HEATR4: variants seen among roughly 807,000 people sequenced by gnomAD.
The protein encoded by HEATR4 is HEAT repeat containing 4.
In HEATR4, 95 loss-of-function variants were observed where a neutral mutation model predicts 108.8. The observed-to-expected ratio is 0.87, with a 90% CI of 0.74 to 1.04. HEATR4 has a LOEUF of 1.04. HEATR4 is among the 50% of genes least tolerant of loss of function. The probability of loss-of-function intolerance (pLI) is 0.00; values close to 1 mark genes in which losing one functional copy is unlikely to be tolerated. For synonymous variants in HEATR4, 443 were observed against 459.4 expected, an observed-to-expected ratio of 0.96 and a Z score of 0.46; for missense variants, 1,152 against 1,253.8, an observed-to-expected ratio of 0.92 and a Z score of 1.23.
At chr14:73,508,745 C>A (rs1595110237) in intron 8 of HEATR4, among the ~76,000 whole-genome samples, 1 of 96,112 alleles carries the variant, frequency 1.0e-5, no homozygotes, top group Admixed American at 1.7e-4. Flanking sequence ...GAGTGAAACT[C>A]TGTCTCAAAA....
chr14:73,618,153 C>A, the HEATR4 span, among the ~76,000 whole-genome samples: 5 of 151,816 alleles, frequency 3.3e-5, no homozygotes, highest in Non-Finnish European at 7.4e-5. Flanking sequence ...CAAAAAAAAA[C>A]CCAACAACAA....
At chr14:73,484,843 CACACACACACACACACACAT>C (rs1885391301) in intron 17 of HEATR4, among the ~76,000 whole-genome samples, 2 of 151,480 alleles carry the variant, frequency 1.3e-5, no homozygotes, top group African/African-American at 2.4e-5. Flanking sequence ...GACACACACA[CACACACACACACACACACAT>C]ATATGGTTTT....
At position 73,491,872 on chromosome 14, in the gene HEATR4, C is replaced by T. The variant is rs111230413; in HGVS notation, c.2844+1194G>A. 4.9e-4 allele frequency: 790 copies of T among 1,611,172 alleles called. 2 individuals are homozygous for T. The African/African-American group carries it at 8.8e-3, about 18-fold the overall frequency. Reference sequence around the variant, plus strand: ...CACCCGGCCGCGCGCTGCCCGCCGCCGCGTGGTCCCTGTACCAGGCCGGCT... The same window carrying T: ...CACCCGGCCGCGCGCTGCCCGCCGCTGCGTGGTCCCTGTACCAGGCCGGCT... On this transcript the variant is annotated intron_variant, in intron 17 of 17. Transcript: ENST00000553558.
At chr14:73,585,761 G>A in the HEATR4 span, among the ~76,000 whole-genome samples, 3 of 142,894 alleles carry the variant, frequency 2.1e-5, no homozygotes, top group East Asian at 2.2e-4. Context: ...TTGCTGTGGA[G>A]GATACACTGG....
At chr14:73,497,360 G>A (rs11628465) in intron 14 of HEATR4, among the ~76,000 whole-genome samples, 15,040 of 152,156 alleles carry the variant, frequency 0.099, 1,116 homozygotes, top group Non-Finnish European at 0.14. Flanking sequence ...ATTTGAAGGT[G>A]CCAATAGGTA....
In HEATR4 at chr14:73,492,834, T is replaced by C. The variant is rs1189203528; in HGVS notation, c.2844+232A>G. 6.2e-7 allele frequency: 1 copy of C among 1,613,764 alleles called. No homozygotes were observed. The highest frequency in any genetic ancestry group is 8.5e-7 in the Non-Finnish European group (1 of 1,179,880). On this transcript the variant is annotated intron_variant, in intron 17 of 17. Transcript: ENST00000553558. The surrounding 1 kb of genome is among the most constrained non-coding windows in gnomAD (Gnocchi z 4.9). Reference sequence around the variant, plus strand: ...TTGCTTGGTTCTTATCCAGAGTTTGTGAGAGTGGGGGACCTGCCCTGTGAC... The same window carrying C: ...TTGCTTGGTTCTTATCCAGAGTTTGCGAGAGTGGGGGACCTGCCCTGTGAC...
Position 73,495,422 on chromosome 14 carries a change from CAA to C in HEATR4, c.2626-37_2626-36del, listed in dbSNP as rs749365409. On this transcript the variant is annotated intron_variant, in intron 15 of 17. Transcript: ENST00000553558. ...AACAAATAATGTTTGAAAAACAAAA[CAA>C]AACACCTGTACTAGGCAGCAAATTA... 3.2e-6 allele frequency: 5 copies of C among 1,562,840 alleles called. No individual in the cohort carries two copies. In the East Asian group the frequency reaches 1.1e-4, roughly 35 times the overall value.
Position 73,514,127 on chromosome 14 carries a change from A to G in HEATR4, c.1318T>C (p.Leu440=). The change falls in exon 6 of 18, where the codon TTG becomes CTG. Residue 440 remains leucine (L), a synonymous_variant. Coordinates refer to ENST00000553558, the MANE Select transcript of HEATR4 (RefSeq NM_001220484.1). ...EKDVPIKTRR[L]KKQAKSLQED... Reference sequence around the variant, plus strand: ...TGCAGTGATTTTGCCTGCTTCTTCAATCTCCTGGTCTTAATAGGCACATCC... The same window carrying G: ...TGCAGTGATTTTGCCTGCTTCTTCAGTCTCCTGGTCTTAATAGGCACATCC... The G allele has an allele frequency of 6.2e-7, 1 of 1,614,092 alleles. No homozygotes were observed. The highest frequency in any genetic ancestry group is 8.5e-7 in the Non-Finnish European group (1 of 1,180,026).
the HEATR4 span, among the ~76,000 whole-genome samples, chr14:73,623,339 TA>T: frequency 2.6e-4 from 40 of 152,282 alleles, no homozygotes; most frequent in African/African-American, 9.4e-4. Flanking sequence ...TTACGTGATA[TA>T]AAGGGTAGTG....
intron 10 of HEATR4, among the ~76,000 whole-genome samples, chr14:73,504,147 G>A (rs548444081): frequency 4.7e-5 from 7 of 148,502 alleles, no homozygotes; most frequent in South Asian, 2.1e-4. Flanking sequence ...GCACGATCTC[G>A]GCTCACTGCA....
chr14:73,598,237 A>AAC, the HEATR4 span, among the ~76,000 whole-genome samples: 3 of 148,392 alleles, frequency 2.0e-5, no homozygotes, highest in Non-Finnish European at 4.5e-5. Context: ...AAAAAAAAAA[A>AAC]AACATAGCCG....
At chr14:73,493,402 C>T in intron 16 of HEATR4, 2 of 371,778 alleles carry the variant, frequency 5.4e-6, no homozygotes, top group Non-Finnish European at 1.0e-5. Context: ...GTTTCCCTTT[C>T]CTAAGGCTAG....
intron 5 of HEATR4, among the ~76,000 whole-genome samples, chr14:73,515,444 C>A (rs1481940661): frequency 6.6e-6 from 1 of 151,854 alleles, no homozygotes; most frequent in Non-Finnish European, 1.5e-5. Context: ...CTTTGGGAGG[C>A]CAAAGCGGGT....
rs377065746 is a variant in HEATR4 at position 73,492,667 on chromosome 14, G to C, written c.2844+399C>G. Reference sequence around the variant, plus strand: ...TGACAACAGAAACAGAAGTCCATATGCTTCAGGATGGGATAGCTCGGCTGG... The same window carrying C: ...TGACAACAGAAACAGAAGTCCATATCCTTCAGGATGGGATAGCTCGGCTGG... On this transcript the variant is annotated intron_variant, in intron 17 of 17. Transcript: ENST00000553558. This position sits in a 1 kb window ranked among gnomAD's most constrained non-coding sequence, Gnocchi z 4.9. 2.7e-5 allele frequency: 43 copies of C among 1,613,892 alleles called. No individual in the cohort carries two copies. The highest frequency in any genetic ancestry group is 3.6e-5 in the Non-Finnish European group (42 of 1,179,896).
chr14:73,516,608 A>T (rs1887613353), intron 5 of HEATR4, among the ~76,000 whole-genome samples: 1 of 152,064 alleles, frequency 6.6e-6, no homozygotes, highest in South Asian at 2.1e-4. Context: ...GCCATCTTCC[A>T]CATCAACAGT....
At chr14:73,510,874 T>C (rs1887208108) in intron 7 of HEATR4, among the ~76,000 whole-genome samples, 1 of 152,204 alleles carries the variant, frequency 6.6e-6, no homozygotes, top group Non-Finnish European at 1.5e-5. Context: ...GACACAATTC[T>C]AGGGTCCACA....
chr14:73,486,550 T>C (rs1260773526), intron 17 of HEATR4, among the ~76,000 whole-genome samples: 1 of 151,842 alleles, frequency 6.6e-6, no homozygotes, highest in South Asian at 2.1e-4. Context: ...ATACAAAAAT[T>C]AGCCGGGTGT....
the HEATR4 span, among the ~76,000 whole-genome samples, chr14:73,598,387 C>A: frequency 6.9e-6 from 1 of 144,050 alleles, no homozygotes. Context: ...AAGACTCCGT[C>A]TCAAAAAAAA....
intron 5 of HEATR4, among the ~76,000 whole-genome samples, chr14:73,515,572 C>T (rs377655943): frequency 6.2e-5 from 9 of 146,268 alleles, no homozygotes; most frequent in African/African-American, 2.3e-4. Flanking sequence ...CCCAGCTACT[C>T]GGGATGCTGA....
Sources: gnomAD v4.1 joint callset for allele counts (sites outside exome capture counted in the v4.1 genomes callset) on GRCh38, gnomAD v4.1.1 for gene constraint, Gnocchi (gnomAD v3.1) non-coding constraint, MANE v1.5 for transcripts, NCBI Gene and HGNC (gene_info 2026-07-23, HGNC 2026-07-21) for gene names.